Variants in RPS6KA5 observed in about 807,000 individuals in gnomAD.
RPS6KA5 encodes ribosomal protein S6 kinase alpha-5.
RPS6KA5 carries 27 observed loss-of-function variants against 85.5 expected under a neutral mutation model. The observed-to-expected ratio is 0.32, with a 90% CI of 0.23 to 0.44. The LOEUF (loss-of-function observed/expected upper bound fraction) is 0.44, where lower values mean the gene tolerates loss of function less well. Ranked by LOEUF, RPS6KA5 falls within the 20% of genes least tolerant of loss-of-function variation. The pLI, the probability that RPS6KA5 is intolerant of heterozygous loss-of-function variation, is 1.00. For missense variants in RPS6KA5, 811 were observed against 980.9 expected, an observed-to-expected ratio of 0.83 and a Z score of 2.31; for synonymous variants, 334 against 348.2, an observed-to-expected ratio of 0.96 and a Z score of 0.46.
chr14:90,975,817 A>G (rs2039538943), intron 3 of RPS6KA5, among the ~76,000 whole-genome samples: 1 of 152,234 alleles, frequency 6.6e-6, no homozygotes, highest in African/African-American at 2.4e-5. Context: ...TTCATCTTTA[A>G]AAGTCAACTG....
chr14:91,035,956 G>GGAA (rs373170860), intron 1 of RPS6KA5, among the ~76,000 whole-genome samples: 13 of 133,450 alleles, frequency 9.7e-5, no homozygotes, highest in African/African-American at 3.1e-4. Flanking sequence ...CTTAGGGTAT[G>GGAA]AAAAAAAAAA....
chr14:90,894,705 A>G (rs535125050), intron 12 of RPS6KA5, 122 bp from the exon 13 acceptor site: 49 of 1,115,410 alleles, frequency 4.4e-5, no homozygotes, highest in South Asian at 1.8e-4. Context: ...AAAATAATCA[A>G]TGGCAATCCT....
intron 2 of RPS6KA5, among the ~76,000 whole-genome samples, chr14:90,981,845 C>G (rs1417288509): frequency 6.6e-6 from 1 of 152,248 alleles, no homozygotes; most frequent in African/African-American, 2.4e-5. Context: ...AACGATCTTA[C>G]TTCTAAGAAG....
At chr14:90,977,148 G>C (rs1157100053) in intron 3 of RPS6KA5, among the ~76,000 whole-genome samples, 1 of 152,198 alleles carries the variant, frequency 6.6e-6, no homozygotes, top group Non-Finnish European at 1.5e-5. Flanking sequence ...AATACACCTA[G>C]TGTAATGGCT....
chr14:91,039,468 G>A (rs562017276), intron 1 of RPS6KA5, among the ~76,000 whole-genome samples: 4 of 152,256 alleles, frequency 2.6e-5, no homozygotes, highest in East Asian at 3.9e-4. Context: ...CATATGGAAT[G>A]CCCCTCAGAA....
In RPS6KA5 at chr14:90,862,084, T is replaced by C. The variant is rs913289005; in HGVS notation, c.*9990A>G. ...GAAACAATGGACAAAAGAAAATATTTGGTTTATCAAAAGAAGACACAATAC... is the reference window on the plus strand; with the variant it reads ...GAAACAATGGACAAAAGAAAATATTCGGTTTATCAAAAGAAGACACAATAC... On this transcript the variant is annotated 3_prime_UTR_variant, in exon 17 of 17. Coordinates refer to ENST00000614987, the MANE Select transcript of RPS6KA5 (RefSeq NM_004755.4). The C allele has an allele frequency of 6.6e-6, 1 of 152,100 alleles. No individual in the cohort carries two copies. Among genetic ancestry groups the C allele is most frequent in the African/African-American group, 2.4e-5 (1 of 41,412 alleles). 9.4% of individuals were successfully genotyped at this position (152,100 alleles called of 1,614,324 possible).
chr14:90,925,469 G>C (rs925182828), intron 5 of RPS6KA5, among the ~76,000 whole-genome samples: 4 of 152,084 alleles, frequency 2.6e-5, no homozygotes, highest in African/African-American at 9.7e-5. Flanking sequence ...TCTTAGATTT[G>C]AGATCTGAAT....
intron 1 of RPS6KA5, among the ~76,000 whole-genome samples, chr14:91,057,479 G>A (rs1444851312): frequency 6.9e-6 from 1 of 144,724 alleles, no homozygotes; most frequent in Non-Finnish European, 1.6e-5. Flanking sequence ...GGACCTTACA[G>A]TCTAATCTGT....
Position 90,872,119 on chromosome 14 carries a change from G to A in RPS6KA5, c.2364C>T (p.Ser788=). ...KTLQPSNPAD[S]NNPETLFQFS... is the part of the protein sequence containing the mutation. ...ACTGGAAGAGGGTCTCCGGGTTATT[G>A]CTGTCGGCAGGATTGCTGGGCTGCA... Residue 788 remains serine, a synonymous_variant, in exon 17 of 17, where the codon AGC becomes AGT. Transcript: ENST00000614987. 1.2e-6 allele frequency: 2 copies of A among 1,613,880 alleles called. No homozygotes were observed. Among genetic ancestry groups the A allele is most frequent in the Non-Finnish European group, 1.7e-6 (2 of 1,179,940 alleles).
At chr14:91,034,405 G>A (rs777178335) in intron 1 of RPS6KA5, among the ~76,000 whole-genome samples, 4 of 152,024 alleles carry the variant, frequency 2.6e-5, no homozygotes, top group South Asian at 4.1e-4. Flanking sequence ...TTCCTGGGTC[G>A]AGTGGGGTCT....
intron 5 of RPS6KA5, among the ~76,000 whole-genome samples, chr14:90,927,387 T>A (rs895798217): frequency 5.9e-5 from 9 of 152,028 alleles, no homozygotes; most frequent in African/African-American, 2.2e-4. Context: ...TATACAGGTA[T>A]CATAACTCAC....
At chr14:90,986,661 G>GT (rs1268388990) in intron 2 of RPS6KA5, among the ~76,000 whole-genome samples, 2 of 152,206 alleles carry the variant, frequency 1.3e-5, no homozygotes, top group South Asian at 2.1e-4. Context: ...TCCAGCTGCT[G>GT]TGAGTGTTGG....
chr14:91,022,363 A>G (rs982181792), intron 1 of RPS6KA5, among the ~76,000 whole-genome samples: 8 of 152,230 alleles, frequency 5.3e-5, no homozygotes, highest in East Asian at 1.9e-4. Context: ...AATGTGAAGT[A>G]TATCAATAAT....
At chr14:90,888,382 C>A (rs965953543) in intron 14 of RPS6KA5, among the ~76,000 whole-genome samples, 1 of 152,130 alleles carries the variant, frequency 6.6e-6, no homozygotes, top group Non-Finnish European at 1.5e-5. Flanking sequence ...AAATGAAAGT[C>A]TCTTTTTTAT....
chr14:90,890,707 T>G (rs1312013123), intron 13 of RPS6KA5, 29 bp from the exon 14 acceptor site: 2 of 1,575,098 alleles, frequency 1.3e-6, no homozygotes, highest in Non-Finnish European at 1.7e-6. Flanking sequence ...TACATTAGTT[T>G]CTCACTAGGC....
Position 91,025,864 on chromosome 14 carries a change from CA to C in RPS6KA5, c.104-24706del, listed in dbSNP as rs1374232099. On this transcript the variant is annotated intron_variant, in intron 1 of 16. Transcript: ENST00000614987. The stretch of plus-strand genomic sequence containing the variant: ...ATAATGTGAAATTTTATTTTAGATT[CA>C]GGGGGTACCTGTGTGGGTTCGTTAT... Among the ~76,000 whole-genome samples the C allele has an allele frequency of 2.7e-5, 4 of 150,154 alleles. No individual in the cohort carries two copies. In the East Asian group the frequency reaches 5.9e-4, roughly 22 times the overall value.
chr14:90,949,508 T>C (rs1320475998), intron 3 of RPS6KA5, among the ~76,000 whole-genome samples: 3 of 152,238 alleles, frequency 2.0e-5, no homozygotes. Context: ...ATATTTATGG[T>C]ATTAACAATT....
chr14:90,908,929 A>G (rs991602693), intron 7 of RPS6KA5, among the ~76,000 whole-genome samples: 13 of 152,242 alleles, frequency 8.5e-5, no homozygotes, highest in South Asian at 4.1e-4. Flanking sequence ...TTCATCACCA[A>G]TGGTTGAGTG....
rs199625173 is a variant in RPS6KA5, at chr14:91,035,847, C to CAAAAAA, written c.103+24479_103+24484dup. On this transcript the variant is annotated intron_variant, in intron 1 of 16. Transcript: ENST00000614987. Reference sequence around the variant, plus strand: ...TTTCAGCTGATGAAACCCTCACCTTCAAAAAAAAAAAAAAAAAAAAAAAAA... The same window carrying CAAAAAA: ...TTTCAGCTGATGAAACCCTCACCTTCAAAAAAAAAAAAAAAAAAAAAAAAAAAAAAA... Among the ~76,000 whole-genome samples the CAAAAAA allele has an allele frequency of 1.1e-3, 76 of 69,858 alleles. 2 individuals are homozygous for CAAAAAA. The highest frequency in any genetic ancestry group is 1.4e-3 in the Non-Finnish European group (56 of 40,016). The allele number at this position is 69,858 out of a possible 152,430, so 45.8% of individuals were successfully genotyped here.
Sources: allele counts gnomAD v4.1 joint callset (sites outside exome capture counted in the v4.1 genomes callset), GRCh38; gene constraint gnomAD v4.1.1; transcripts MANE v1.5; gene names NCBI Gene and HGNC (gene_info 2026-07-23, HGNC 2026-07-21).